PRIMA1: variants seen among roughly 807,000 people sequenced by gnomAD.
The protein encoded by PRIMA1 is proline-rich membrane anchor 1.
PRIMA1 carries 7 observed loss-of-function variants against 17.5 expected under a neutral mutation model. The observed-to-expected ratio is 0.40, with a 90% CI of 0.23 to 0.75. PRIMA1 has a LOEUF of 0.75. PRIMA1 is among the 30% of genes least tolerant of loss of function. PRIMA1 has a pLI of 0.37. For synonymous variants in PRIMA1, 97 were observed against 77.9 expected, an observed-to-expected ratio of 1.25 and a Z score of -1.29; for missense variants, 200 against 201.8, an observed-to-expected ratio of 0.99 and a Z score of 0.05.
At chr14:93,762,260 C>A (rs1313966886) in intron 3 of PRIMA1, among the ~76,000 whole-genome samples, 1 of 152,182 alleles carries the variant, frequency 6.6e-6, no homozygotes, top group African/African-American at 2.4e-5. Flanking sequence ...TCCCACCCGG[C>A]AGATGCATAA....
intron 3 of PRIMA1, among the ~76,000 whole-genome samples, chr14:93,772,982 G>C (rs1292632832): frequency 6.6e-6 from 1 of 152,154 alleles, no homozygotes; most frequent in Admixed American, 6.5e-5. Flanking sequence ...GTTAGTTGTA[G>C]GGCATCGAAT....
rs4900195 is a variant in PRIMA1, at chr14:93,779,306, C to G, written c.99G>C (p.Thr33=). The G allele has an allele frequency of 2.9e-4, 453 of 1,550,266 alleles. 2 individuals are homozygous for G. The highest frequency in any genetic ancestry group is 2.8e-3 in the Admixed American group (137 of 49,084). ...AGCAGGACTTCTGGGGCTCACCATG[C>G]GTCACCTGTACACATGGGCACACGT... ...LHPLWGFVQV[T]HGEPQKSCSK... is the part of the protein sequence containing the mutation. Residue 33 remains threonine, a synonymous_variant, in exon 3 of 5, where the codon ACG becomes ACC. Coordinates refer to ENST00000393140, the MANE Select transcript of PRIMA1 (RefSeq NM_178013.4).
At chr14:93,758,219 A>T (rs1327554267) in intron 3 of PRIMA1, among the ~76,000 whole-genome samples, 1 of 152,166 alleles carries the variant, frequency 6.6e-6, no homozygotes, top group Non-Finnish European at 1.5e-5. Flanking sequence ...GTCTTGACAC[A>T]CATCAAGTCT....
At chr14:93,759,694 G>A (rs146085088) in intron 3 of PRIMA1, among the ~76,000 whole-genome samples, 4 of 152,210 alleles carry the variant, frequency 2.6e-5, no homozygotes, top group Non-Finnish European at 5.9e-5. Flanking sequence ...CAGCACAGAC[G>A]GAGCTTAGAA....
At chr14:93,769,071 G>A (rs532341176) in intron 3 of PRIMA1, among the ~76,000 whole-genome samples, 53 of 151,458 alleles carry the variant, frequency 3.5e-4, no homozygotes, top group African/African-American at 1.1e-3. Context: ...AGGCTCTTAC[G>A]GATCTCAAAC....
At position 93,720,767 on chromosome 14, in the gene PRIMA1, C is replaced by T. The variant is rs1421211049; in HGVS notation, c.*677G>A. The T allele has an allele frequency of 6.6e-6, 1 of 152,434 alleles. No individual in the cohort carries two copies. Among genetic ancestry groups the T allele is most frequent in the South Asian group, 2.1e-4 (1 of 4,832 alleles). The allele number at this position is 152,434 out of a possible 1,614,324, so 9.4% of individuals were successfully genotyped here. The stretch of plus-strand genomic sequence containing the variant: ...CAGACACTGCCCCCGAGTGTAAACG[C>T]ACTCCTGTGTCTGCTCAGGAGGGGA... On this transcript the variant is annotated 3_prime_UTR_variant, in exon 5 of 5. Coordinates refer to ENST00000393140, the MANE Select transcript of PRIMA1 (RefSeq NM_178013.4).
intron 4 of PRIMA1, among the ~76,000 whole-genome samples, chr14:93,727,894 G>GC (rs1179867323): frequency 6.6e-6 from 1 of 152,188 alleles, no homozygotes; most frequent in African/African-American, 2.4e-5. Flanking sequence ...GGAGAGACCT[G>GC]CCCTGAGCTC....
upstream of PRIMA1, among the ~76,000 whole-genome samples, chr14:93,788,739 G>A (rs1444423087): frequency 1.3e-5 from 2 of 151,940 alleles, no homozygotes; most frequent in African/African-American, 2.4e-5. Context: ...AGCCGCGCGC[G>A]GGGCGGGAGG....
At chr14:93,778,420 G>A (rs755796576) in intron 3 of PRIMA1, among the ~76,000 whole-genome samples, 5 of 152,220 alleles carry the variant, frequency 3.3e-5, no homozygotes, top group Non-Finnish European at 7.3e-5. Context: ...CAGAGAACAA[G>A]CTTTGTGCCA....
intron 3 of PRIMA1, among the ~76,000 whole-genome samples, chr14:93,755,437 C>G (rs1046394137): frequency 2.6e-5 from 4 of 152,132 alleles, no homozygotes; most frequent in African/African-American, 9.7e-5. Context: ...GGACTCCAAC[C>G]CTTTATTGGT....
intron 3 of PRIMA1, among the ~76,000 whole-genome samples, chr14:93,763,471 C>T (rs1338005317): frequency 6.6e-6 from 1 of 152,222 alleles, no homozygotes; most frequent in Non-Finnish European, 1.5e-5. Flanking sequence ...TCCCTGAAGC[C>T]TCCCTGGACT....
intron 3 of PRIMA1, among the ~76,000 whole-genome samples, chr14:93,767,757 C>G (rs192454393): frequency 1.1e-4 from 17 of 152,238 alleles, no homozygotes; most frequent in Admixed American, 3.9e-4. Flanking sequence ...CCCTACACAC[C>G]CCCCCTCTCC....
chr14:93,743,199 A>G (rs2076194739), intron 3 of PRIMA1, among the ~76,000 whole-genome samples: 1 of 152,132 alleles, frequency 6.6e-6, no homozygotes, highest in Non-Finnish European at 1.5e-5. Flanking sequence ...GTGGCAGCCC[A>G]CTCGCCCCCA....
At chr14:93,731,284 G>C (rs2076113151) in intron 4 of PRIMA1, among the ~76,000 whole-genome samples, 1 of 105,336 alleles carries the variant, frequency 9.5e-6, no homozygotes, top group Admixed American at 1.3e-4. Context: ...GTAAATAGAT[G>C]GTGCTTAAAA....
intron 3 of PRIMA1, among the ~76,000 whole-genome samples, chr14:93,769,143 G>A (rs1473200690): frequency 2.0e-5 from 3 of 152,222 alleles, no homozygotes; most frequent in African/African-American, 7.2e-5. Flanking sequence ...GGGAATGCAA[G>A]GCAGAGTCAG....
rs763803732 is a variant in PRIMA1, at chr14:93,721,436, C to A, written c.*8G>T. 1.3e-5 allele frequency: 21 copies of A among 1,597,104 alleles called. No homozygotes were observed. The highest frequency in any genetic ancestry group is 1.0e-4 in the Admixed American group (6 of 59,894). On this transcript the variant is annotated 3_prime_UTR_variant, in exon 5 of 5. Transcript: ENST00000393140. ...TCCCTCTGGCCAGCGGGTCCAGGGC[C>A]TGCAGACTCACACCACTGCGTTGTT...
rs78952506 is a variant in PRIMA1, at chr14:93,767,760, C to A, written c.229+11416G>T. Among the ~76,000 whole-genome samples the A allele has an allele frequency of 7.2e-5, 11 of 152,266 alleles. 1 individual carries two copies. In the South Asian group the frequency reaches 1.9e-3, roughly 26 times the overall value. The stretch of plus-strand genomic sequence containing the variant: ...GTGGCAGGCTGACCCTACACACCCC[C>A]CCTCTCCATTCTGCCTGGAGACAGC... On this transcript the variant is annotated intron_variant, in intron 3 of 4. Transcript: ENST00000393140.
chr14:93,767,841 T>A (rs10133582), intron 3 of PRIMA1, among the ~76,000 whole-genome samples: 4 of 151,970 alleles, frequency 2.6e-5, no homozygotes, highest in African/African-American at 9.7e-5. Flanking sequence ...TTGGACTGCC[T>A]TGCTCACCTG....
chr14:93,786,300 A>G (rs1885522028), intron 2 of PRIMA1, among the ~76,000 whole-genome samples: 1 of 152,224 alleles, frequency 6.6e-6, no homozygotes, highest in Non-Finnish European at 1.5e-5. Context: ...CATTAGACAA[A>G]GCTGTCAATT....
Sources: allele counts gnomAD v4.1 joint callset (sites outside exome capture counted in the v4.1 genomes callset), GRCh38; gene constraint gnomAD v4.1.1; transcripts MANE v1.5; gene names NCBI Gene and HGNC (gene_info 2026-07-23, HGNC 2026-07-21).